The following PEX14 variants were observed in gnomAD, a reference collection of about 807,000 sequenced individuals.
PEX14 encodes the protein peroxisomal biogenesis factor 14, also known as peroxisomal membrane protein PEX14.
Under a neutral mutation model 49.5 loss-of-function variants are expected in PEX14, and 15 were observed. That is an observed-to-expected ratio of 0.30 (90% CI 0.20 to 0.47). PEX14 has a LOEUF of 0.47. Ranked by LOEUF, PEX14 falls within the 20% of genes least tolerant of loss-of-function variation. The pLI, the probability that PEX14 is intolerant of heterozygous loss-of-function variation, is 1.00. For synonymous variants in PEX14, 210 were observed against 212.7 expected (o/e 0.99, Z 0.11); for missense variants, 398 against 494.8 (o/e 0.80, Z 1.86).
At chr1:10,560,718 C>CTTTTTTTTTTTTTT (rs34964492) in intron 3 of PEX14, among the ~76,000 whole-genome samples, 1 of 129,092 alleles carries the variant, frequency 7.7e-6, no homozygotes. Flanking sequence ...ATTTTGCCAC[C>CTTTTTTTTTTTTTT]TTTTTTTTTT....
At position 10,613,127 on chromosome 1, in the gene PEX14, G is replaced by T. The variant is rs1365317791; in HGVS notation, c.299-5205G>T. 1.3e-5 allele frequency among the ~76,000 whole-genome samples: 2 copies of T among 150,966 alleles called. No individual in the cohort carries two copies. The highest frequency in any genetic ancestry group is 3.9e-4 in the East Asian group (2 of 5,114). ...ATTTCCATGGTGTGGATCGGTCTGT[G>T]ACTTGCTCAGCAAGGTTTCAGGCTC... On this transcript the variant is annotated intron_variant, in intron 4 of 8. Transcript: ENST00000356607. This position sits in a 1 kb window ranked among gnomAD's most constrained non-coding sequence, Gnocchi z 5.0.
intron 4 of PEX14, among the ~76,000 whole-genome samples, chr1:10,612,870 TGCTGTATAGA>T (rs1641310423): frequency 6.6e-6 from 1 of 152,252 alleles, no homozygotes; most frequent in Non-Finnish European, 1.5e-5. Flanking sequence ...CTAGAGACAC[TGCTGTATAGA>T]GACATGGCTC....
intron 1 of PEX14, among the ~76,000 whole-genome samples, chr1:10,482,961 A>C (rs1043058756): frequency 2.0e-5 from 3 of 152,160 alleles, no homozygotes. Flanking sequence ...GTTCCCTTAC[A>C]TTTAGATCCG....
intron 3 of PEX14, among the ~76,000 whole-genome samples, chr1:10,576,819 C>T (rs1422463054): frequency 2.7e-5 from 4 of 150,516 alleles, no homozygotes; most frequent in South Asian, 2.1e-4. Flanking sequence ...GTGCGTGGCG[C>T]GATCTCAGCA....
chr1:10,596,726 C>T (rs1470167425), intron 3 of PEX14, among the ~76,000 whole-genome samples: 1 of 152,240 alleles, frequency 6.6e-6, no homozygotes, highest in Non-Finnish European at 1.5e-5. Flanking sequence ...GATAATGGCC[C>T]GGCTCTGAAT....
At chr1:10,609,343 A>G (rs1000423299) in intron 4 of PEX14, among the ~76,000 whole-genome samples, 2 of 152,146 alleles carry the variant, frequency 1.3e-5, no homozygotes, top group South Asian at 4.1e-4. Context: ...TTTCTTTCTA[A>G]TTAGCTTTTT....
intron 3 of PEX14, among the ~76,000 whole-genome samples, chr1:10,588,929 G>A (rs946047126): frequency 2.0e-5 from 3 of 151,980 alleles, no homozygotes; most frequent in Non-Finnish European, 2.9e-5. Context: ...TTGTGAAAGA[G>A]GAAAAAAAAT....
intron 3 of PEX14, among the ~76,000 whole-genome samples, chr1:10,569,819 A>G (rs939579540): frequency 6.6e-6 from 1 of 152,170 alleles, no homozygotes; most frequent in African/African-American, 2.4e-5. Flanking sequence ...GTCTGAGGTC[A>G]TTCTGATTCC....
intron 3 of PEX14, among the ~76,000 whole-genome samples, chr1:10,556,640 G>A (rs1427357122): frequency 1.3e-5 from 2 of 152,102 alleles, no homozygotes; most frequent in Non-Finnish European, 2.9e-5. Flanking sequence ...TTGCCGGGCT[G>A]TTTCTTCTAC....
intron 2 of PEX14, among the ~76,000 whole-genome samples, chr1:10,528,661 G>C (rs1638559680): frequency 6.6e-6 from 1 of 152,178 alleles, no homozygotes; most frequent in African/African-American, 2.4e-5. Flanking sequence ...AGGGAAATTA[G>C]AGGAATATTG....
chr1:10,511,263 C>G (rs1641877859), intron 2 of PEX14, among the ~76,000 whole-genome samples: 1 of 152,014 alleles, frequency 6.6e-6, no homozygotes, highest in African/African-American at 2.4e-5. Flanking sequence ...CCTGTTTTTT[C>G]TAATCTTTTA....
chr1:10,502,130 CT>C (rs1641692592), intron 2 of PEX14, among the ~76,000 whole-genome samples: 1 of 152,164 alleles, frequency 6.6e-6, no homozygotes, highest in Non-Finnish European at 1.5e-5. Context: ...GATGTAAGCA[CT>C]TTTCAGAGAG....
intron 4 of PEX14, among the ~76,000 whole-genome samples, chr1:10,606,445 G>A (rs897631077): frequency 6.6e-6 from 1 of 152,222 alleles, no homozygotes; most frequent in Non-Finnish European, 1.5e-5. Flanking sequence ...AGGCTGAGAT[G>A]TAGTCCTGAT....
At chr1:10,516,343 G>A (rs937868973) in intron 2 of PEX14, among the ~76,000 whole-genome samples, 1 of 152,188 alleles carries the variant, frequency 6.6e-6, no homozygotes, top group Non-Finnish European at 1.5e-5. Context: ...GTCTCTCTTT[G>A]TAGAAGAGTG....
rs192693550 is a variant in PEX14, at chr1:10,533,688, T to A, written c.85-2525T>A. On this transcript the variant is annotated intron_variant, in intron 2 of 8. Coordinates refer to ENST00000356607, the MANE Select transcript of PEX14 (RefSeq NM_004565.3). ...ACCTATTAAAGATGATTTTTCCCAA[T>A]TGAATCAGACCCACCACAGGTGTAA... Among the ~76,000 whole-genome samples, 95 of 152,316 alleles carry A rather than the reference T, an allele frequency of 6.2e-4. No individual in the cohort carries two copies. In the Middle Eastern group the frequency reaches 0.014, roughly 22 times the overall value.
At chr1:10,533,592 T>C (rs1297987500) in intron 2 of PEX14, among the ~76,000 whole-genome samples, 2 of 152,340 alleles carry the variant, frequency 1.3e-5, no homozygotes, top group Non-Finnish European at 1.5e-5. Context: ...AATGAATTAC[T>C]AATGACAGAG....
chr1:10,491,736 A>G (rs1305821433), intron 1 of PEX14, among the ~76,000 whole-genome samples: 1 of 130,208 alleles, frequency 7.7e-6, no homozygotes, highest in Non-Finnish European at 1.5e-5. Flanking sequence ...ATTGGAGTGC[A>G]GTGGCATGAT....
At chr1:10,558,753 AAAAG>A (rs1557844100) in intron 3 of PEX14, among the ~76,000 whole-genome samples, 1 of 151,580 alleles carries the variant, frequency 6.6e-6, no homozygotes, top group South Asian at 2.1e-4. Flanking sequence ...AAAAAAAAAA[AAAAG>A]AAAGAAAGAA....
chr1:10,630,435 C>A lies in PEX14; in HGVS notation c.*448C>A, dbSNP rs1641892459. ...GCGGTCCCTCTGGTGTCTGCCATCCCCCTCCCTCCCTGGGCCCGGCCCTGG... is the reference window on the plus strand; with the variant it reads ...GCGGTCCCTCTGGTGTCTGCCATCCACCTCCCTCCCTGGGCCCGGCCCTGG... On this transcript the variant is annotated 3_prime_UTR_variant, in exon 9 of 9. Transcript: ENST00000356607. The surrounding 1 kb of genome is among the most constrained non-coding windows in gnomAD (Gnocchi z 4.1). 3 of 182,286 alleles carry A rather than the reference C, an allele frequency of 1.6e-5. No individual in the cohort carries two copies. The highest frequency in any genetic ancestry group is 3.5e-5 in the Non-Finnish European group (3 of 86,198). The allele number at this position is 182,286 out of a possible 1,614,324, so 11.3% of individuals were successfully genotyped here. A position where few individuals can be genotyped will look rare whatever the true frequency, so the allele number is the denominator to read the frequency against.
Sources: allele counts gnomAD v4.1 joint callset (sites outside exome capture counted in the v4.1 genomes callset), GRCh38; gene constraint gnomAD v4.1.1; non-coding constraint Gnocchi (gnomAD v3.1); transcripts MANE v1.5; gene names NCBI Gene and HGNC (gene_info 2026-07-23, HGNC 2026-07-21).